TBC1D19: variants seen among roughly 807,000 people sequenced by gnomAD.
TBC1D19 encodes the protein TBC1 domain family member 19, also known as TBC1 domain family, member 19.
A neutral mutation model predicts 89.0 loss-of-function variants in TBC1D19; 60 were observed. The observed-to-expected ratio is 0.67, with a 90% CI of 0.55 to 0.84. The LOEUF (loss-of-function observed/expected upper bound fraction) is 0.84. TBC1D19 is among the 40% of genes least tolerant of loss of function. TBC1D19 has a pLI of 0.00. For synonymous variants in TBC1D19, 189 were observed against 199.7 expected (o/e 0.95, Z 0.45); for missense variants, 500 against 610.8 (o/e 0.82, Z 1.91).
intron 11 of TBC1D19, among the ~76,000 whole-genome samples, chr4:26,682,870 C>G (rs558446451): frequency 6.6e-6 from 1 of 152,184 alleles, no homozygotes; most frequent in South Asian, 2.1e-4. Context: ...TTCTTATTCT[C>G]TATTACATTA....
At chr4:26,639,017 A>G (rs1743315925) in intron 6 of TBC1D19, among the ~76,000 whole-genome samples, 183 bp downstream of exon 6, 1 of 152,306 alleles carries the variant, frequency 6.6e-6, no homozygotes, top group Middle Eastern at 3.4e-3. Flanking sequence ...ACCACATGCA[A>G]CTAATAAATA....
chr4:26,664,628 CTTT>C (rs34385885), intron 8 of TBC1D19, among the ~76,000 whole-genome samples: 6 of 136,188 alleles, frequency 4.4e-5, no homozygotes, highest in Non-Finnish European at 8.0e-5. Flanking sequence ...AGATGCAGTA[CTTT>C]TTTTTTTTTT....
the TBC1D19 span, among the ~76,000 whole-genome samples, chr4:26,829,132 A>G: frequency 1.3e-5 from 2 of 152,192 alleles, no homozygotes; most frequent in Non-Finnish European, 1.5e-5. Flanking sequence ...TTTGAAAAAT[A>G]TGTTTGCTTT....
chr4:26,848,797 C>T, the TBC1D19 span, among the ~76,000 whole-genome samples: 3 of 152,204 alleles, frequency 2.0e-5, no homozygotes, highest in South Asian at 4.1e-4. Flanking sequence ...TTTCTTTCAT[C>T]TGTCTAATCA....
intron 13 of TBC1D19, among the ~76,000 whole-genome samples, chr4:26,713,644 G>T (rs1175067950): frequency 1.3e-5 from 2 of 151,996 alleles, no homozygotes; most frequent in Non-Finnish European, 2.9e-5. Flanking sequence ...CCTCTTTACT[G>T]AATAAAATAT....
chr4:26,769,872 A>G, the TBC1D19 span, among the ~76,000 whole-genome samples: 3 of 152,160 alleles, frequency 2.0e-5, no homozygotes, highest in Non-Finnish European at 4.4e-5. Flanking sequence ...CTATATATAC[A>G]TGAAATGATA....
intron 1 of TBC1D19, among the ~76,000 whole-genome samples, chr4:26,612,840 A>T (rs1741463025): frequency 6.6e-6 from 1 of 152,076 alleles, no homozygotes; most frequent in African/African-American, 2.4e-5. Context: ...TATAATATCA[A>T]GGCAATGAAT....
chr4:26,735,621 A>G (rs569408865), intron 16 of TBC1D19, 134 bp downstream of exon 16: 4 of 742,972 alleles, frequency 5.4e-6, no homozygotes, highest in Non-Finnish European at 8.1e-6. Flanking sequence ...AGTGAAATGC[A>G]TGCTAGTTCC....
intron 13 of TBC1D19, among the ~76,000 whole-genome samples, chr4:26,705,873 G>A (rs1370821393): frequency 6.6e-6 from 1 of 151,952 alleles, no homozygotes; most frequent in African/African-American, 2.4e-5. Context: ...AATTGTGTGG[G>A]AAAGTTTTTG....
At chr4:26,581,870 G>A (rs1577737906), upstream of TBC1D19, among the ~76,000 whole-genome samples, 1 of 152,016 alleles carries the variant, frequency 6.6e-6, no homozygotes, top group Admixed American at 6.5e-5. Flanking sequence ...TTGCTAAATC[G>A]AATTGGAAAT....
At chr4:26,759,472 A>G (rs1339892878), downstream of TBC1D19, among the ~76,000 whole-genome samples, 1 of 152,200 alleles carries the variant, frequency 6.6e-6, no homozygotes. Context: ...CAATAAAGTT[A>G]TATGTATATT....
the TBC1D19 span, among the ~76,000 whole-genome samples, chr4:26,839,550 G>A: frequency 6.7e-6 from 1 of 149,364 alleles, no homozygotes; most frequent in East Asian, 2.0e-4. Flanking sequence ...ATAGCAGGGT[G>A]GGTTCAATCT....
At chr4:26,647,546 G>A (rs1189958118) in intron 7 of TBC1D19, among the ~76,000 whole-genome samples, 2 of 152,026 alleles carry the variant, frequency 1.3e-5, no homozygotes, top group African/African-American at 4.8e-5. Context: ...CCGGAGGAAG[G>A]CCTTTAAATG....
At chr4:26,725,334 A>T (rs1717241662) in intron 15 of TBC1D19, among the ~76,000 whole-genome samples, 1 of 152,166 alleles carries the variant, frequency 6.6e-6, no homozygotes, top group Non-Finnish European at 1.5e-5. Context: ...TAATGGAGGA[A>T]TGGAGTTTGG....
chr4:26,853,955 T>A, the TBC1D19 span, among the ~76,000 whole-genome samples: 5 of 152,256 alleles, frequency 3.3e-5, no homozygotes, highest in Admixed American at 3.3e-4. Flanking sequence ...TTCGTTTCCA[T>A]ATCAGAAGGC....
chr4:26,670,761 C>T (rs548119398), intron 9 of TBC1D19, among the ~76,000 whole-genome samples: 2 of 151,650 alleles, frequency 1.3e-5, no homozygotes, highest in East Asian at 3.9e-4. Flanking sequence ...ACTATTCTGC[C>T]TTCTGACATC....
At chr4:26,711,131 TTTC>T (rs1471053885) in intron 13 of TBC1D19, among the ~76,000 whole-genome samples, 1 of 152,158 alleles carries the variant, frequency 6.6e-6, no homozygotes, top group Admixed American at 6.6e-5. Context: ...TTGCCTAGGT[TTTC>T]TTCTAGGGTT....
intron 11 of TBC1D19, among the ~76,000 whole-genome samples, chr4:26,681,196 T>G (rs1401799666): frequency 1.3e-5 from 2 of 152,104 alleles, no homozygotes; most frequent in African/African-American, 4.8e-5. Flanking sequence ...GAATTTGAAT[T>G]GATTTTTTTT....
At position 26,743,809 on chromosome 4, in the gene TBC1D19, T is replaced by G. The variant is rs184269776; in HGVS notation, c.1319+1210T>G. Among the ~76,000 whole-genome samples the G allele has an allele frequency of 1.3e-4, 20 of 151,874 alleles. No homozygotes were observed. The East Asian group carries it at 1.9e-3, about 15-fold the overall frequency. ...TTGTAGTAAATTGACTTCTTTTTGC[T>G]ATTGTGAAATGAACATTGGAGTATA... is the stretch of plus-strand genomic sequence containing the variant. On this transcript the variant is annotated intron_variant, in intron 18 of 20. Coordinates refer to ENST00000264866, the MANE Select transcript of TBC1D19 (RefSeq NM_018317.4).
Sources: gnomAD v4.1 joint callset for allele counts (sites outside exome capture counted in the v4.1 genomes callset) on GRCh38, gnomAD v4.1.1 for gene constraint, MANE v1.5 for transcripts, NCBI Gene and HGNC (gene_info 2026-07-23, HGNC 2026-07-21) for gene names.